Variants in NAB1 observed in about 807,000 individuals in gnomAD.
NAB1 encodes NGFI-A binding protein 1, also known as NGFI-A-binding protein 1.
In NAB1, 25 loss-of-function variants were observed where a neutral mutation model predicts 49.9. That is an observed-to-expected ratio of 0.50 (90% confidence interval 0.37 to 0.70). The LOEUF (loss-of-function observed/expected upper bound fraction) is 0.70. NAB1 is among the 30% of genes least tolerant of loss of function. The probability of loss-of-function intolerance (pLI) is 0.00; values close to 1 mark genes in which losing one functional copy is unlikely to be tolerated. For synonymous variants in NAB1, 198 were observed against 215.6 expected (o/e 0.92, Z 0.71); for missense variants, 489 against 575.9 (o/e 0.85, Z 1.54).
chr2:190,688,158 G>A (rs759584420), intron 9 of NAB1, among the ~76,000 whole-genome samples: 2 of 152,144 alleles, frequency 1.3e-5, no homozygotes, highest in African/African-American at 2.4e-5. Context: ...CTTAATCAAC[G>A]TCACTGATTT....
rs1695159496 is a variant in NAB1 at position 190,678,040 on chromosome 2, T to A, written c.1005+4888T>A. On this transcript the variant is annotated intron_variant, in intron 6 of 9. Transcript: ENST00000337386. The surrounding 1 kb of genome is among the most constrained non-coding windows in gnomAD (Gnocchi z 4.9). Reference sequence around the variant, plus strand: ...CAGTTACAAGTTTTGAGTAGAAAATTTAACAATGTAAATTACAAAATATTT... The same window carrying A: ...CAGTTACAAGTTTTGAGTAGAAAATATAACAATGTAAATTACAAAATATTT... Among the ~76,000 whole-genome samples, 2 of 152,200 alleles carry A rather than the reference T, an allele frequency of 1.3e-5. No homozygotes were observed. Among genetic ancestry groups the A allele is most frequent in the Non-Finnish European group, 2.9e-5 (2 of 68,034 alleles).
intron 4 of NAB1, among the ~76,000 whole-genome samples, chr2:190,664,299 A>G (rs1446184880): frequency 2.0e-5 from 3 of 151,838 alleles, no homozygotes; most frequent in African/African-American, 7.3e-5. Flanking sequence ...ATGTTGATAT[A>G]AATACATGAG....
intron 4 of NAB1, among the ~76,000 whole-genome samples, chr2:190,664,613 T>TC (rs1179276760): frequency 7.8e-6 from 1 of 128,494 alleles, no homozygotes; most frequent in East Asian, 2.6e-4. Flanking sequence ...TTTTTTTTTT[T>TC]TGTAGGGACA....
upstream of NAB1, chr2:190,648,974 G>C (rs1465401823): frequency 6.7e-6 from 1 of 149,072 alleles, no homozygotes; most frequent in African/African-American, 2.4e-5. Flanking sequence ...AGCGCGGGGT[G>C]GGGGAGTGGA....
intron 2 of NAB1, 50 bp from the exon 3 acceptor site, chr2:190,655,927 T>C (rs1210685829): frequency 1.3e-5 from 2 of 152,252 alleles, no homozygotes; most frequent in Non-Finnish European, 1.5e-5. Flanking sequence ...CTTAAATTAA[T>C]GCATTGTTTA....
At position 190,690,393 on chromosome 2, in the gene NAB1, A is replaced by G. The variant is rs1425724401; in HGVS notation, c.*60A>G. 1 of 1,293,854 alleles carries G rather than the reference A, an allele frequency of 7.7e-7. No individual in the cohort carries two copies. The highest frequency in any genetic ancestry group is 1.5e-5 in the African/African-American group (1 of 68,288). 80.1% of individuals were successfully genotyped at this position (1,293,854 alleles called of 1,614,324 possible). On this transcript the variant is annotated 3_prime_UTR_variant, in exon 10 of 10. Coordinates refer to ENST00000337386, the MANE Select transcript of NAB1 (RefSeq NM_005966.4). ...TCAGATTTAAGGATAATACTCCATC[A>G]TAGAAATAAGCCTTAATAACCAGTG...
At chr2:190,660,177 T>C (rs974010502) in intron 4 of NAB1, among the ~76,000 whole-genome samples, 182 bp downstream of exon 4, 4 of 152,218 alleles carry the variant, frequency 2.6e-5, no homozygotes, top group Non-Finnish European at 5.9e-5. Flanking sequence ...GTGTTCAGGG[T>C]ATATTTGTAT....
rs13428903 is a variant in NAB1, at chr2:190,674,770, G to T, written c.1005+1618G>T. On this transcript the variant is annotated intron_variant, in intron 6 of 9. Transcript: ENST00000337386. The surrounding 1 kb of genome is among the most constrained non-coding windows in gnomAD (Gnocchi z 5.7). ...AGCCACATTAAAAAAAGAAATGTGG[G>T]CTGGGTATGGTGGCTCACACCTATA... is the stretch of plus-strand genomic sequence containing the variant. 0.23 allele frequency among the ~76,000 whole-genome samples: 34,506 copies of T among 152,046 alleles called. 4,040 individuals are homozygous for T. Among genetic ancestry groups the T allele is most frequent in the Middle Eastern group, 0.25 (74 of 294 alleles).
At chr2:190,673,258 G>T in intron 6 of NAB1, 106 bp downstream of exon 6, 1 of 961,966 alleles carries the variant, frequency 1.0e-6, no homozygotes, top group Non-Finnish European at 1.6e-6. Context: ...CCATAAACTA[G>T]TGAAAAATGG....
chr2:190,670,707 C>T lies in NAB1; in HGVS notation c.953+248C>T, dbSNP rs1366801990. On this transcript the variant is annotated intron_variant, in intron 5 of 9. Coordinates refer to ENST00000337386, the MANE Select transcript of NAB1 (RefSeq NM_005966.4). The surrounding 1 kb of genome is among the most constrained non-coding windows in gnomAD (Gnocchi z 5.3). The stretch of plus-strand genomic sequence containing the variant: ...GCATTGTTCTGGTAGTGGTTTTAAA[C>T]ATTCTTCTCTCATACACACACTTTG... Among the ~76,000 whole-genome samples, 3 of 152,160 alleles carry T rather than the reference C, an allele frequency of 2.0e-5. No homozygotes were observed. The highest frequency in any genetic ancestry group is 4.4e-5 in the Non-Finnish European group (3 of 68,026).
intron 2 of NAB1, among the ~76,000 whole-genome samples, chr2:190,650,703 T>A (rs1160079245): frequency 6.6e-6 from 1 of 152,236 alleles, no homozygotes; most frequent in African/African-American, 2.4e-5. Flanking sequence ...TCTGATCTAA[T>A]CTGAGTGCCA....
intron 6 of NAB1, among the ~76,000 whole-genome samples, chr2:190,681,918 G>T (rs181081650): frequency 6.6e-6 from 1 of 152,180 alleles, no homozygotes; most frequent in Admixed American, 6.5e-5. Context: ...TTAAGGATTT[G>T]CCCTCTGCTG....
rs1694979859 is a variant in NAB1, at chr2:190,674,561, G to A, written c.1005+1409G>A. ...AGTCTGCCCCATTAGATGAGAATAG[G>A]TCTCTTATCTGTGAATCTGCTGCTG... On this transcript the variant is annotated intron_variant, in intron 6 of 9. Coordinates refer to ENST00000337386, the MANE Select transcript of NAB1 (RefSeq NM_005966.4). This position sits in a 1 kb window ranked among gnomAD's most constrained non-coding sequence, Gnocchi z 5.7. Among the ~76,000 whole-genome samples the A allele has an allele frequency of 6.6e-6, 1 of 152,180 alleles. No homozygotes were observed. Among genetic ancestry groups the A allele is most frequent in the Admixed American group, 6.5e-5 (1 of 15,280 alleles).
Position 190,676,565 on chromosome 2 carries a change from C to G in NAB1, c.1005+3413C>G, listed in dbSNP as rs1029584280. ...GCAACATGGCAAAACCCCATCCTTA[C>G]AAAAATTAGCCAGGCATGATGGCAT... On this transcript the variant is annotated intron_variant, in intron 6 of 9. Transcript: ENST00000337386. The surrounding 1 kb of genome is among the most constrained non-coding windows in gnomAD (Gnocchi z 4.6). Among the ~76,000 whole-genome samples the G allele has an allele frequency of 6.6e-6, 1 of 152,086 alleles. No individual in the cohort carries two copies.
chr2:190,687,233 T>C lies in NAB1; in HGVS notation c.1291T>C (p.Leu431=). The change falls in exon 9 of 10, where the codon TTA becomes CTA. Residue 431 remains leucine, a synonymous_variant. Transcript: ENST00000337386. ...ACCTTTGAATCTCCGAATGCCTAAT[T>C]TACAGAACAGACAACCCCATCATTT... ...ERPLNLRMPN[L]QNRQPHHFVV... The C allele has an allele frequency of 6.3e-7, 1 of 1,593,126 alleles. No homozygotes were observed.
chr2:190,659,753 G>A lies in NAB1; in HGVS notation c.577G>A (p.Ala193Thr). 6.2e-7 allele frequency: 1 copy of A among 1,614,036 alleles called. No individual in the cohort carries two copies. ...AAAGGAGAGCAGTGAGGCGCTGGAT[G>A]CTGCTGCTGCGCTCTCTGTGGCTGA... The part of the protein sequence containing the change: ...SPKESSEALD[A>T]AAALSVAECV... Residue 193 changes from alanine to threonine, a missense_variant, in exon 4 of 10, where the codon GCT becomes ACT. Around this residue, in one of 4 missense-constraint regions of NAB1, gnomAD observed 204 missense variants for 220.9 expected, o/e 0.92. Coordinates refer to ENST00000337386, the MANE Select transcript of NAB1 (RefSeq NM_005966.4). The surrounding 1 kb of genome is among the most constrained non-coding windows in gnomAD (Gnocchi z 6.2).
chr2:190,664,095 G>A (rs1286748139), intron 4 of NAB1, among the ~76,000 whole-genome samples: 3 of 152,094 alleles, frequency 2.0e-5, no homozygotes, highest in Non-Finnish European at 4.4e-5. Flanking sequence ...ATATGTGTCT[G>A]TTCTAACAAG....
Position 190,690,561 on chromosome 2 carries a change from C to T in NAB1, c.*228C>T, listed in dbSNP as rs1193105407. 4.8e-6 allele frequency: 2 copies of T among 417,760 alleles called. No individual in the cohort carries two copies. The highest frequency in any genetic ancestry group is 3.9e-5 in the Admixed American group (1 of 25,750). The allele number at this position is 417,760 out of a possible 1,614,324, so 25.9% of individuals were successfully genotyped here. Reference sequence around the variant, plus strand: ...TCTATAACAGTAATATTGATTCATTCACATTCCTGTGTTAAGTCATTTTAT... The same window carrying T: ...TCTATAACAGTAATATTGATTCATTTACATTCCTGTGTTAAGTCATTTTAT... On this transcript the variant is annotated 3_prime_UTR_variant, in exon 10 of 10. Coordinates refer to ENST00000337386, the MANE Select transcript of NAB1 (RefSeq NM_005966.4).
chr2:190,673,254 A>G lies in NAB1; in HGVS notation c.1005+102A>G, dbSNP rs1405761751. ...TCAGACAAAAAAGATGGTCCCATAA[A>G]CTAGTGAAAAATGGCTTTCAATAAA... On this transcript the variant is annotated intron_variant, in intron 6 of 9. Coordinates refer to ENST00000337386, the MANE Select transcript of NAB1 (RefSeq NM_005966.4). 5.7e-6 allele frequency: 6 copies of G among 1,057,964 alleles called. No individual in the cohort carries two copies. The South Asian group carries it at 7.9e-5, about 14-fold the overall frequency. The allele number at this position is 1,057,964 out of a possible 1,614,324, so 65.5% of individuals were successfully genotyped here.
Sources: gnomAD v4.1 joint callset for allele counts (sites outside exome capture counted in the v4.1 genomes callset) on GRCh38, gnomAD v4.1.1 for gene constraint, gnomAD v4.1.1 regional missense constraint, Gnocchi (gnomAD v3.1) non-coding constraint, MANE v1.5 for transcripts, NCBI Gene and HGNC (gene_info 2026-07-23, HGNC 2026-07-21) for gene names.